Variants in TCF4 observed in about 807,000 individuals in gnomAD.
TCF4 encodes the protein SL3-3 enhancer factor 2.
Under a neutral mutation model 82.1 loss-of-function variants are expected in TCF4, and 3 were observed. The observed-to-expected ratio is 0.04, with a 90% CI of 0.02 to 0.09. The LOEUF (loss-of-function observed/expected upper bound fraction) is 0.09, where lower values mean the gene tolerates loss of function less well. Ranked by LOEUF, TCF4 falls within the 10% of genes least tolerant of loss-of-function variation. The probability of loss-of-function intolerance (pLI) is 1.00; values close to 1 mark genes in which losing one functional copy is unlikely to be tolerated. For missense variants in TCF4, 518 were observed against 852.7 expected (o/e 0.61, Z 4.89); for synonymous variants, 276 against 309.6 (o/e 0.89, Z 1.14).
intron 6 of TCF4, among the ~76,000 whole-genome samples, chr18:55,355,966 T>A (rs964251952): frequency 6.6e-6 from 1 of 152,110 alleles, no homozygotes; most frequent in African/African-American, 2.4e-5. Context: ...GAACCTTAGC[T>A]CAAAGAAATA....
At chr18:55,542,881 C>T (rs1021443548) in intron 3 of TCF4, among the ~76,000 whole-genome samples, 6 of 152,032 alleles carry the variant, frequency 3.9e-5, no homozygotes. Flanking sequence ...ATTAATTAAA[C>T]ATCTAAAACT....
At chr18:55,384,011 G>C (rs2092326549) in intron 6 of TCF4, 1 of 152,212 alleles carries the variant, frequency 6.6e-6, no homozygotes, top group African/African-American at 2.4e-5. Flanking sequence ...TCTTCTGACA[G>C]AGAATCTCAT....
intron 5 of TCF4, among the ~76,000 whole-genome samples, chr18:55,409,384 T>C (rs1218029151): frequency 2.6e-5 from 4 of 152,152 alleles, no homozygotes; most frequent in African/African-American, 9.7e-5. Flanking sequence ...GTTTTCTTTT[T>C]TTTTAATGAG....
chr18:55,366,995 T>C (rs2087357247), intron 6 of TCF4, among the ~76,000 whole-genome samples: 3 of 152,236 alleles, frequency 2.0e-5, no homozygotes, highest in Admixed American at 2.0e-4. Flanking sequence ...TAAGTGTTAT[T>C]TGAAGAAAGT....
intron 5 of TCF4, among the ~76,000 whole-genome samples, chr18:55,446,903 G>A (rs1427714124): frequency 2.0e-5 from 3 of 150,398 alleles, no homozygotes; most frequent in African/African-American, 2.4e-5. Context: ...GGAGAATGGC[G>A]TGAACCCAGG....
At chr18:55,309,466 C>T (rs1391688627) in intron 8 of TCF4, among the ~76,000 whole-genome samples, 2 of 152,170 alleles carry the variant, frequency 1.3e-5, no homozygotes, top group Non-Finnish European at 1.5e-5. Context: ...GGCTACCTCA[C>T]TGAACAGGCC....
rs908125965 is a variant in TCF4, at chr18:55,226,297, C to G, written c.*1738G>C. The G allele has an allele frequency of 2.6e-5, 4 of 151,872 alleles. No homozygotes were observed. Among genetic ancestry groups the G allele is most frequent in the African/African-American group, 9.7e-5 (4 of 41,190 alleles). The allele number at this position is 151,872 out of a possible 1,614,324, so 9.4% of individuals were successfully genotyped here. ...GATTTTTTTTTTTCTTAATACATGC[C>G]AAGAATTGTGTGGCTGTAAAAATAG... On this transcript the variant is annotated 3_prime_UTR_variant, in exon 20 of 20. Transcript: ENST00000354452.
At chr18:55,635,287 T>C (rs973739705) in intron 1 of TCF4, among the ~76,000 whole-genome samples, 3 of 152,044 alleles carry the variant, frequency 2.0e-5, no homozygotes, top group Admixed American at 2.0e-4. Context: ...GATGGACAGA[T>C]CACTTGAAGT....
chr18:55,451,073 T>C (rs2095613672), intron 5 of TCF4, among the ~76,000 whole-genome samples: 1 of 152,188 alleles, frequency 6.6e-6, no homozygotes, highest in African/African-American at 2.4e-5. Context: ...AAAAGAAGCC[T>C]TTTCATTTTG....
chr18:55,553,318 G>A (rs1223937287), intron 3 of TCF4: 1 of 152,118 alleles, frequency 6.6e-6, no homozygotes, highest in African/African-American at 2.4e-5. Flanking sequence ...CAGAGTACTT[G>A]ACAGAAAAGA....
intron 6 of TCF4, among the ~76,000 whole-genome samples, chr18:55,393,733 GA>G (rs916120527): frequency 1.3e-5 from 2 of 152,164 alleles, no homozygotes; most frequent in Admixed American, 6.5e-5. Flanking sequence ...GAGAATGGAT[GA>G]AAGTAACTTA....
Position 55,588,185 on chromosome 18 carries a change from A to T in TCF4, c.-168T>A. 1 of 1,167,292 alleles carries T rather than the reference A, an allele frequency of 8.6e-7. No individual in the cohort carries two copies. The highest frequency in any genetic ancestry group is 1.1e-6 in the Non-Finnish European group (1 of 951,080). The allele number at this position is 1,167,292 out of a possible 1,614,324, so 72.3% of individuals were successfully genotyped here. A position where few individuals can be genotyped will look rare whatever the true frequency, so the allele number is the denominator to read the frequency against. ...CCGCCGCCGCCGCCGCCGCCACTAC[A>T]GATCCGCAGACACACAGCCAAGATC... is the stretch of plus-strand genomic sequence containing the variant. On this transcript the variant is annotated 5_prime_UTR_variant, in exon 1 of 20. Transcript: ENST00000354452.
intron 2 of TCF4, among the ~76,000 whole-genome samples, chr18:55,601,160 A>G (rs193060801): frequency 1.3e-5 from 2 of 152,394 alleles, no homozygotes. Flanking sequence ...CCACAAAAAT[A>G]CATATATAGA....
intron 5 of TCF4, chr18:55,403,814 C>G: frequency 1.3e-6 from 2 of 1,501,080 alleles, no homozygotes; most frequent in South Asian, 2.6e-5. Flanking sequence ...TTTTCACTTT[C>G]TCTTGCACAA....
chr18:55,443,996 T>C (rs1335128898), intron 5 of TCF4, among the ~76,000 whole-genome samples: 1 of 152,176 alleles, frequency 6.6e-6, no homozygotes. Context: ...GCAACTTAGA[T>C]GTCACCCAGG....
intron 6 of TCF4, among the ~76,000 whole-genome samples, chr18:55,394,788 T>C (rs2093392018): frequency 6.6e-6 from 1 of 152,202 alleles, no homozygotes; most frequent in South Asian, 2.1e-4. Context: ...GTCCATGCTT[T>C]AGGAAGCTCA....
Position 55,493,686 on chromosome 18 carries a change from A to C in TCF4, c.146-29549T>G, listed in dbSNP as rs924410018. On this transcript the variant is annotated intron_variant, in intron 3 of 19. Transcript: ENST00000354452. ...ATCTTATTAATATATTGTTTACTTA[A>C]GTTTGTGTAAATTAATACAAAATTA... is the stretch of plus-strand genomic sequence containing the variant. 6.6e-5 allele frequency among the ~76,000 whole-genome samples: 10 copies of C among 152,294 alleles called. No individual in the cohort carries two copies. The East Asian group carries it at 1.9e-3, about 29-fold the overall frequency.
At chr18:55,469,637 T>A (rs1450224445) in intron 3 of TCF4, 2 of 152,160 alleles carry the variant, frequency 1.3e-5, no homozygotes, top group Non-Finnish European at 2.9e-5. Context: ...AAAGCTCCAC[T>A]TTGCTCTTGT....
chr18:55,425,657 T>C (rs1222223862), intron 5 of TCF4, among the ~76,000 whole-genome samples: 7 of 152,218 alleles, frequency 4.6e-5, no homozygotes, highest in Admixed American at 2.6e-4. Context: ...TCAAGCTCAA[T>C]AGAAATTGCA....
Sources: allele counts gnomAD v4.1 joint callset (sites outside exome capture counted in the v4.1 genomes callset), GRCh38; gene constraint gnomAD v4.1.1; transcripts MANE v1.5; gene names NCBI Gene and HGNC (gene_info 2026-07-23, HGNC 2026-07-21).